The following TEX11 variants were observed in gnomAD, a reference collection of about 807,000 sequenced individuals.
TEX11 encodes testis expressed 11.
A neutral mutation model predicts 84.4 loss-of-function variants in TEX11; 7 were observed. The observed-to-expected ratio is 0.08, with a 90% CI of 0.05 to 0.16. The LOEUF (loss-of-function observed/expected upper bound fraction) is 0.16. TEX11 is among the 10% of genes least tolerant of loss of function. TEX11 has a pLI of 1.00. For synonymous variants in TEX11, 264 were observed against 222.8 expected, an observed-to-expected ratio of 1.18 and a Z score of -1.64; for missense variants, 551 against 660.5, an observed-to-expected ratio of 0.83 and a Z score of 1.82.
intron 8 of TEX11, among the ~76,000 whole-genome samples, chrX:70,809,577 T>C (rs1420727686): frequency 8.9e-6 from 1 of 111,817 alleles, no homozygotes; most frequent in African/African-American, 3.2e-5. Context: ...AAGAACACTA[T>C]GTAGATACAT....
At position 70,702,953 on chromosome X, in the gene TEX11, G is replaced by A. The variant is rs143224116; in HGVS notation, c.1004+19665C>T. 1.0e-2 allele frequency among the ~76,000 whole-genome samples: 1,114 copies of A among 111,655 alleles called. 12 individuals are homozygous for A. Among genetic ancestry groups the A allele is most frequent in the African/African-American group, 0.034 (1,051 of 30,750 alleles). On this transcript the variant is annotated intron_variant, in intron 13 of 29. Coordinates refer to ENST00000374333, the MANE Select transcript of TEX11 (RefSeq NM_031276.3). The stretch of plus-strand genomic sequence containing the variant: ...AAGGGCTCCCCAAATCATAGTAGTA[G>A]CAAACTTTATATAGTGGCAAACTTT...
intron 10 of TEX11, among the ~76,000 whole-genome samples, chrX:70,742,483 C>T (rs900863072): frequency 1.8e-5 from 2 of 109,497 alleles, no homozygotes; most frequent in Non-Finnish European, 3.8e-5. Flanking sequence ...AATCCTAGAA[C>T]CTTGGGAGGC....
At chrX:70,521,464 A>G in the TEX11 span, among the ~76,000 whole-genome samples, 1 of 110,385 alleles carries the variant, frequency 9.1e-6, no homozygotes, top group Non-Finnish European at 1.9e-5. Context: ...TTTAGTAGAG[A>G]TGGGGTTTCA....
chrX:70,861,392 A>G (rs1008894579), intron 4 of TEX11, among the ~76,000 whole-genome samples: 3 of 110,606 alleles, frequency 2.7e-5, no homozygotes, highest in Non-Finnish European at 3.8e-5. Context: ...TCAATTTTCA[A>G]AAGTAAATGA....
intron 2 of TEX11, among the ~76,000 whole-genome samples, chrX:70,886,648 C>T (rs1028567627): frequency 2.7e-5 from 3 of 111,627 alleles, no homozygotes; most frequent in Non-Finnish European, 1.9e-5. Flanking sequence ...ATAGAATATG[C>T]CCCTAGTATG....
intron 9 of TEX11, among the ~76,000 whole-genome samples, chrX:70,747,767 T>C (rs1186306848): frequency 1.8e-5 from 2 of 111,363 alleles, no homozygotes; most frequent in African/African-American, 6.5e-5. Flanking sequence ...TTTTTTTATA[T>C]ATTTTTTATT....
In TEX11 at chrX:70,578,594, T is replaced by C. The variant is rs184115015; in HGVS notation, c.2140+13157A>G. The stretch of plus-strand genomic sequence containing the variant: ...ATGTGTCTACAACTGAAAAAGGCTT[T>C]GACCTCACATTGTGTGAGTGTAAAA... On this transcript the variant is annotated intron_variant, in intron 25 of 29. Coordinates refer to ENST00000374333, the MANE Select transcript of TEX11 (RefSeq NM_031276.3). 3.0e-3 allele frequency among the ~76,000 whole-genome samples: 328 copies of C among 111,131 alleles called. 1 individual carries two copies. Among genetic ancestry groups the C allele is most frequent in the African/African-American group, 1.0e-2 (305 of 30,613 alleles).
intron 20 of TEX11, 150 bp downstream of exon 20, chrX:70,623,800 C>T: frequency 2.6e-6 from 1 of 380,537 alleles, no homozygotes; most frequent in South Asian, 8.7e-5. Context: ...TGGTAAGCAG[C>T]AGAGCCAGGA....
In TEX11 at chrX:70,612,598, A is replaced by G. The variant is rs367802173; in HGVS notation, c.1752-2055T>C. 2.2e-4 allele frequency among the ~76,000 whole-genome samples: 24 copies of G among 110,708 alleles called. No homozygotes were observed. The South Asian group carries it at 6.6e-3, about 30-fold the overall frequency. The stretch of plus-strand genomic sequence containing the variant: ...AGGAAAAAAAAAATCTCTGCCCTTG[A>G]GGGTATATAAACAGAAACCTCCCAA... On this transcript the variant is annotated intron_variant, in intron 20 of 29. Coordinates refer to ENST00000374333, the MANE Select transcript of TEX11 (RefSeq NM_031276.3).
intron 7 of TEX11, among the ~76,000 whole-genome samples, chrX:70,834,815 T>G (rs1398325830): frequency 9.2e-6 from 1 of 108,741 alleles, no homozygotes; most frequent in Admixed American, 9.9e-5. Context: ...CATGGATACA[T>G]ACAAGGAAAT....
At chrX:70,866,481 G>T (rs2091599850) in intron 4 of TEX11, among the ~76,000 whole-genome samples, 1 of 110,271 alleles carries the variant, frequency 9.1e-6, no homozygotes, top group Admixed American at 9.7e-5. Flanking sequence ...AGAGGGGCTG[G>T]TACCATTCCT....
chrX:70,897,680 AAAG>A (rs1294741538), intron 2 of TEX11: 240 of 12,369 alleles, frequency 0.019, no homozygotes, highest in African/African-American at 0.042. Flanking sequence ...AAAGAAAGAA[AAAG>A]AAAGAAAGAA....
At chrX:70,539,038 A>ATATATATTTTTTTTT in intron 28 of TEX11, among the ~76,000 whole-genome samples, 6 of 41,245 alleles carry the variant, frequency 1.5e-4, no homozygotes, top group East Asian at 1.1e-3. Flanking sequence ...ATATATATAT[A>ATATATATTTTTTTTT]TTTTTTTTTT....
In TEX11 at chrX:70,749,327, A is replaced by G. The variant is rs2090793745; in HGVS notation, c.693-5108T>C. 2.8e-5 allele frequency among the ~76,000 whole-genome samples: 3 copies of G among 108,872 alleles called. No individual in the cohort carries two copies. In the South Asian group the frequency reaches 1.2e-3, roughly 45 times the overall value. 94.5% of individuals were successfully genotyped at this position (108,872 alleles called of 115,157 possible). A position where few individuals can be genotyped will look rare whatever the true frequency, so the allele number is the denominator to read the frequency against. On this transcript the variant is annotated intron_variant, in intron 9 of 29. Coordinates refer to ENST00000374333, the MANE Select transcript of TEX11 (RefSeq NM_031276.3). ...CAGCTTAAGGAGATTTTGGGCTGAG[A>G]CGATGGGGTTTTCTAGATATACAAT...
At chrX:70,633,790 T>C (rs992910681) in intron 17 of TEX11, among the ~76,000 whole-genome samples, 2 of 110,945 alleles carry the variant, frequency 1.8e-5, no homozygotes, top group African/African-American at 6.6e-5. Flanking sequence ...TGGTGGTGCA[T>C]GCCTGTAATC....
At chrX:70,525,971 T>TC (rs1307449146), downstream of TEX11, among the ~76,000 whole-genome samples, 8 of 111,173 alleles carry the variant, frequency 7.2e-5, no homozygotes, top group Admixed American at 2.9e-4. Context: ...GGGGTCAGGG[T>TC]CAGGGCCTGG....
chrX:70,765,890 G>C (rs771682561), intron 9 of TEX11, among the ~76,000 whole-genome samples: 1 of 112,132 alleles, frequency 8.9e-6, no homozygotes, highest in African/African-American at 3.2e-5. Context: ...AAAACCTAAA[G>C]ACTACACCAA....
At chrX:70,548,016 AC>A (rs2088157573) in intron 28 of TEX11, among the ~76,000 whole-genome samples, 1 of 112,126 alleles carries the variant, frequency 8.9e-6, no homozygotes, top group African/African-American at 3.2e-5. Flanking sequence ...CTTGGAACCA[AC>A]CCAAATGTCC....
chrX:70,549,947 G>A (rs752312091), intron 28 of TEX11, among the ~76,000 whole-genome samples: 22 of 112,524 alleles, frequency 2.0e-4, no homozygotes, highest in Non-Finnish European at 3.8e-4. Context: ...GGCCTTGGGT[G>A]AGACCCAGTG....
Sources: gnomAD v4.1 joint callset for allele counts (sites outside exome capture counted in the v4.1 genomes callset) on GRCh38, gnomAD v4.1.1 for gene constraint, MANE v1.5 for transcripts, NCBI Gene and HGNC (gene_info 2026-07-23, HGNC 2026-07-21) for gene names.